The following BTBD3 variants were observed in gnomAD, a reference collection of about 807,000 sequenced individuals.
The protein encoded by BTBD3 is BTB/POZ domain-containing protein 3.
BTBD3 carries 14 observed loss-of-function variants against 41.6 expected under a neutral mutation model. The ratio of observed to expected loss-of-function variants is 0.34; its 90% CI spans 0.22 to 0.53. The LOEUF (loss-of-function observed/expected upper bound fraction) is 0.53, where lower values mean the gene tolerates loss of function less well. BTBD3 is among the 20% of genes least tolerant of loss of function. BTBD3 has a pLI of 0.95. For missense variants in BTBD3, 426 were observed against 654.7 expected (o/e 0.65, Z 3.81); for synonymous variants, 249 against 233.7 (o/e 1.07, Z -0.60).
At chr20:11,905,060 T>C (rs982543857) in intron 1 of BTBD3, among the ~76,000 whole-genome samples, 2 of 152,240 alleles carry the variant, frequency 1.3e-5, no homozygotes, top group Non-Finnish European at 1.5e-5. Context: ...ACTGCTCTTA[T>C]AAGAACAGTC....
Position 11,925,023 on chromosome 20 carries a change from G to A in BTBD3, c.*1357G>A, listed in dbSNP as rs2057006970. 1 of 152,694 alleles carries A rather than the reference G, an allele frequency of 6.5e-6. No homozygotes were observed. Among genetic ancestry groups the A allele is most frequent in the African/African-American group, 2.4e-5 (1 of 41,454 alleles). The allele number at this position is 152,694 out of a possible 1,614,324, so 9.5% of individuals were successfully genotyped here. On this transcript the variant is annotated 3_prime_UTR_variant, in exon 4 of 4. Coordinates refer to ENST00000378226, the MANE Select transcript of BTBD3 (RefSeq NM_014962.4). ...GTTTAGTGCCTGTGTCCCTGGCAGTGTCCAGTGTGTTCACTTCCAGTTGAA... is the reference window on the plus strand; with the variant it reads ...GTTTAGTGCCTGTGTCCCTGGCAGTATCCAGTGTGTTCACTTCCAGTTGAA...
chr20:11,906,253 C>CTTTTTTTTTTTTTTTTTTTTTTTTTTTT (rs1568610658), intron 1 of BTBD3, among the ~76,000 whole-genome samples: 1 of 37,348 alleles, frequency 2.7e-5, no homozygotes. Context: ...TATTATTACT[C>CTTTTTTTTTTTTTTTTTTTTTTTTTTTT]CTTTTTTTTT....
At chr20:11,905,724 A>T (rs139870427) in intron 1 of BTBD3, among the ~76,000 whole-genome samples, 1 of 152,194 alleles carries the variant, frequency 6.6e-6, no homozygotes, top group African/African-American at 2.4e-5. Context: ...AATAGTAATA[A>T]AAGTTACAGA....
At chr20:11,905,943 T>C (rs2056850788) in intron 1 of BTBD3, among the ~76,000 whole-genome samples, 1 of 152,150 alleles carries the variant, frequency 6.6e-6, no homozygotes, top group Admixed American at 6.5e-5. Flanking sequence ...CTTCATACTT[T>C]TAAGTCATAT....
intron 1 of BTBD3, among the ~76,000 whole-genome samples, chr20:11,893,027 A>G (rs2056765714): frequency 6.6e-6 from 1 of 151,666 alleles, no homozygotes; most frequent in African/African-American, 2.4e-5. Context: ...CTGCCCAAAC[A>G]CATGCATCCA....
intron 1 of BTBD3, among the ~76,000 whole-genome samples, chr20:11,903,415 T>A (rs559462332): frequency 2.0e-5 from 3 of 152,312 alleles, no homozygotes; most frequent in Non-Finnish European, 4.4e-5. Context: ...GTTTTCTTGC[T>A]GGTTTATGTG....
At chr20:11,890,860 C>G in exon 1 of BTBD3, 1 of 985,108 alleles carries the variant, frequency 1.0e-6, no homozygotes, top group Non-Finnish European at 1.2e-6. Context: ...CCGCCGGGCG[C>G]TGGATCTCCG....
At chr20:11,917,880 C>T, upstream of BTBD3, 2 of 999,618 alleles carry the variant, frequency 2.0e-6, no homozygotes, top group Non-Finnish European at 2.4e-6. Flanking sequence ...ACCTACTCTC[C>T]TCCGATCCAT....
At chr20:11,904,322 T>C (rs141431109) in intron 1 of BTBD3, among the ~76,000 whole-genome samples, 98 of 152,280 alleles carry the variant, frequency 6.4e-4, no homozygotes, top group African/African-American at 2.2e-3. Context: ...GCAAGTGTTA[T>C]GCACTTTCAA....
chr20:11,905,926 T>C (rs931160509), intron 1 of BTBD3, among the ~76,000 whole-genome samples: 1 of 152,202 alleles, frequency 6.6e-6, no homozygotes, highest in Non-Finnish European at 1.5e-5. Flanking sequence ...CAGAACTGCT[T>C]AAAAGGCTTC....
chr20:11,918,198 T>TA lies in BTBD3; in HGVS notation c.-77dup. On this transcript the variant is annotated 5_prime_UTR_variant, in exon 1 of 4. Transcript: ENST00000378226. ...GCTTTGTTGGTTTCAGTTAACCTCT[T>TA]AGCCCGGGCTAATCTCTTTTCCTTG... 6.7e-7 allele frequency: 1 copy of TA among 1,500,536 alleles called. No homozygotes were observed. Among genetic ancestry groups the TA allele is most frequent in the Non-Finnish European group, 8.8e-7 (1 of 1,135,336 alleles). The allele number at this position is 1,500,536 out of a possible 1,614,324, so 93.0% of individuals were successfully genotyped here.
chr20:11,904,279 T>C (rs2056840665), intron 1 of BTBD3, among the ~76,000 whole-genome samples: 1 of 152,150 alleles, frequency 6.6e-6, no homozygotes, highest in Non-Finnish European at 1.5e-5. Context: ...CAAGTACATC[T>C]TCACGCGCTG....
chr20:11,914,644 A>G (rs2056907808), upstream of BTBD3, among the ~76,000 whole-genome samples: 1 of 152,016 alleles, frequency 6.6e-6, no homozygotes, highest in Non-Finnish European at 1.5e-5. Flanking sequence ...ATAAAAAAAA[A>G]AGAAAAGAAC....
intron 1 of BTBD3, among the ~76,000 whole-genome samples, chr20:11,894,407 C>G (rs1250956194): frequency 6.6e-6 from 1 of 152,168 alleles, no homozygotes; most frequent in African/African-American, 2.4e-5. Context: ...TATGGTCTAC[C>G]TGTAGTGTGT....
chr20:11,919,363 A>G (rs1264089818), intron 2 of BTBD3, 187 bp downstream of exon 2: 2 of 1,415,442 alleles, frequency 1.4e-6, no homozygotes, highest in Non-Finnish European at 1.8e-6. Flanking sequence ...TTCCTTCTAT[A>G]CTGCTTTATA....
intron 1 of BTBD3, among the ~76,000 whole-genome samples, chr20:11,907,781 T>TC (rs2056864693): frequency 6.6e-6 from 1 of 152,086 alleles, no homozygotes; most frequent in Non-Finnish European, 1.5e-5. Flanking sequence ...AGTGTGGGAA[T>TC]AGTCTGGTTT....
intron 3 of BTBD3, 71 bp from the exon 4 acceptor site, chr20:11,922,562 TG>T: frequency 7.3e-7 from 1 of 1,366,182 alleles, no homozygotes; most frequent in Non-Finnish European, 1.0e-6. Context: ...AACTTGAAAG[TG>T]GTTGTATCTT....
intron 1 of BTBD3, among the ~76,000 whole-genome samples, chr20:11,904,086 G>T (rs1357526447): frequency 6.6e-6 from 1 of 152,310 alleles, no homozygotes; most frequent in Non-Finnish European, 1.5e-5. Flanking sequence ...AGTTCATTAA[G>T]AATTTTTTTT....
Position 11,918,238 on chromosome 20 carries a change from T to G in BTBD3, c.-38T>G. The G allele has an allele frequency of 6.6e-7, 1 of 1,514,664 alleles. No homozygotes were observed. Among genetic ancestry groups the G allele is most frequent in the Non-Finnish European group, 8.8e-7 (1 of 1,140,374 alleles). The allele number at this position is 1,514,664 out of a possible 1,614,324, so 93.8% of individuals were successfully genotyped here. A position where few individuals can be genotyped will look rare whatever the true frequency, so the allele number is the denominator to read the frequency against. The stretch of plus-strand genomic sequence containing the variant: ...TCTTTTCCTTGATGTTCAAACCAAT[T>G]TGGGATATCTAACTCTAAAGAGAGA... On this transcript the variant is annotated 5_prime_UTR_variant, in exon 1 of 4. It adds an upstream start codon to the 5' untranslated region. Transcript: ENST00000378226.
Sources: allele counts gnomAD v4.1 joint callset (sites outside exome capture counted in the v4.1 genomes callset), GRCh38; gene constraint gnomAD v4.1.1; transcripts MANE v1.5; gene names NCBI Gene and HGNC (gene_info 2026-07-23, HGNC 2026-07-21).